The following PDC variants were observed in gnomAD, a reference collection of about 807,000 sequenced individuals.
The protein encoded by PDC is 33 kDa phototransducing protein.
PDC carries 19 observed loss-of-function variants against 22.2 expected under a neutral mutation model. That is an observed-to-expected ratio of 0.86 (90% CI 0.60 to 1.26). The LOEUF (loss-of-function observed/expected upper bound fraction) is 1.26, where lower values mean the gene tolerates loss of function less well. Ranked by LOEUF, PDC falls within the 50% of genes most tolerant of loss-of-function variation. The probability of loss-of-function intolerance (pLI) is 0.00; values close to 1 mark genes in which losing one functional copy is unlikely to be tolerated. For synonymous variants in PDC, 97 were observed against 96.2 expected (o/e 1.01, Z -0.05); for missense variants, 274 against 286.8 (o/e 0.96, Z 0.32).
intron 2 of PDC, among the ~76,000 whole-genome samples, chr1:186,447,458 G>T (rs1252552796): frequency 2.0e-5 from 3 of 152,096 alleles, no homozygotes; most frequent in African/African-American, 7.2e-5. Flanking sequence ...CAGATTGGCA[G>T]ATTTAAGTAA....
At chr1:186,460,148 A>G (rs1662554054) in intron 1 of PDC, among the ~76,000 whole-genome samples, 1 of 152,236 alleles carries the variant, frequency 6.6e-6, no homozygotes, top group Non-Finnish European at 1.5e-5. Flanking sequence ...CGCCGGATGA[A>G]TACAGCAGTC....
intron 1 of PDC, among the ~76,000 whole-genome samples, chr1:186,459,945 A>G (rs1196616480): frequency 1.3e-5 from 2 of 151,332 alleles, no homozygotes; most frequent in Non-Finnish European, 2.9e-5. Flanking sequence ...AATTGAAAGA[A>G]AATTTTCACT....
At chr1:186,446,310 G>A (rs981381908) in intron 3 of PDC, 116 bp downstream of exon 3, 6 of 720,826 alleles carry the variant, frequency 8.3e-6, no homozygotes, top group Non-Finnish European at 1.2e-5. Flanking sequence ...TTTTTTGCCA[G>A]CGTAAGCAAT....
intron 1 of PDC, among the ~76,000 whole-genome samples, chr1:186,454,073 G>A (rs930762128): frequency 1.3e-5 from 2 of 150,898 alleles, no homozygotes; most frequent in Non-Finnish European, 3.0e-5. Context: ...CCTTGAGACA[G>A]TACTTATTTG....
At chr1:186,458,903 T>C (rs1337641330) in intron 1 of PDC, among the ~76,000 whole-genome samples, 1 of 152,210 alleles carries the variant, frequency 6.6e-6, no homozygotes, top group Admixed American at 6.5e-5. Flanking sequence ...GGCTCACGCC[T>C]GTAATCCCAA....
intron 1 of PDC, among the ~76,000 whole-genome samples, chr1:186,456,313 A>G (rs1044144824): frequency 1.3e-5 from 2 of 152,126 alleles, no homozygotes; most frequent in African/African-American, 4.8e-5. Context: ...TAGCATTTCA[A>G]TAACTGTTAC....
chr1:186,459,179 AAAAG>A (rs548602686), intron 1 of PDC, among the ~76,000 whole-genome samples: 55 of 152,284 alleles, frequency 3.6e-4, no homozygotes, highest in Admixed American at 2.7e-3. Flanking sequence ...GAAAAAAAGA[AAAAG>A]AAAGCCTGGG....
chr1:186,459,632 TATAAAC>T (rs1662539139), intron 1 of PDC, among the ~76,000 whole-genome samples: 2 of 151,390 alleles, frequency 1.3e-5, no homozygotes, highest in East Asian at 1.9e-4. Context: ...CAAATCCACT[TATAAAC>T]ATAGTATTTG....
rs1345155618 is a variant in PDC, at chr1:186,457,495, C to T, written c.-25+3564G>A. On this transcript the variant is annotated intron_variant, in intron 1 of 3. Coordinates refer to ENST00000391997, the MANE Select transcript of PDC (RefSeq NM_002597.5). The stretch of plus-strand genomic sequence containing the variant: ...TTTCCAATGAATTGTCTTCCCTACC[C>T]ATGATTTTGCGGATCATAAGTGATT... Among the ~76,000 whole-genome samples the T allele has an allele frequency of 2.0e-5, 3 of 152,180 alleles. No homozygotes were observed. In the East Asian group the frequency reaches 5.8e-4, roughly 29 times the overall value.
At chr1:186,453,997 T>G (rs1432832929) in intron 1 of PDC, among the ~76,000 whole-genome samples, 1 of 152,082 alleles carries the variant, frequency 6.6e-6, no homozygotes, top group African/African-American at 2.4e-5. Context: ...CGACCTAATT[T>G]TTTTGTATAT....
chr1:186,445,331 A>C lies in PDC; in HGVS notation c.214-825T>G, dbSNP rs75887561. ...ATACCAGGTGTTGGGTACTTCACGTAGATTATGTTATCTAATCCTTACAGA... is the reference window on the plus strand; with the variant it reads ...ATACCAGGTGTTGGGTACTTCACGTCGATTATGTTATCTAATCCTTACAGA... On this transcript the variant is annotated intron_variant, in intron 3 of 3. Coordinates refer to ENST00000391997, the MANE Select transcript of PDC (RefSeq NM_002597.5). Among the ~76,000 whole-genome samples the C allele has an allele frequency of 4.4e-4, 67 of 152,354 alleles. No homozygotes were observed. The East Asian group carries it at 5.6e-3, about 13-fold the overall frequency.
chr1:186,450,506 T>C (rs549207917), intron 1 of PDC, among the ~76,000 whole-genome samples: 2 of 152,016 alleles, frequency 1.3e-5, no homozygotes, highest in Non-Finnish European at 2.9e-5. Flanking sequence ...CACCACGCCC[T>C]GCTAATGTTT....
At chr1:186,444,994 C>T (rs1379099333) in intron 3 of PDC, among the ~76,000 whole-genome samples, 1 of 152,140 alleles carries the variant, frequency 6.6e-6, no homozygotes, top group African/African-American at 2.4e-5. Flanking sequence ...CATATTTTAA[C>T]AAGCCCTCCA....
At chr1:186,446,891 C>G (rs540549814) in intron 2 of PDC, among the ~76,000 whole-genome samples, 2 of 151,932 alleles carry the variant, frequency 1.3e-5, no homozygotes, top group African/African-American at 2.4e-5. Flanking sequence ...TGATAGGATA[C>G]TAGAATTTTG....
chr1:186,458,429 G>C (rs4007511), intron 1 of PDC, among the ~76,000 whole-genome samples: 24,699 of 142,320 alleles, frequency 0.17, 3,173 homozygotes, highest in African/African-American at 0.37. Context: ...GTCAGTGCAC[G>C]CTGGTTGTGC....
intron 3 of PDC, among the ~76,000 whole-genome samples, chr1:186,444,763 A>G (rs996417210): frequency 5.9e-5 from 9 of 152,160 alleles, no homozygotes; most frequent in African/African-American, 2.2e-4. Flanking sequence ...CTTTATAGCA[A>G]CAAACACTAT....
chr1:186,459,140 G>C (rs1422247043), intron 1 of PDC, among the ~76,000 whole-genome samples: 1 of 151,976 alleles, frequency 6.6e-6, no homozygotes, highest in East Asian at 1.9e-4. Flanking sequence ...CCAGCCTGGG[G>C]GACAGAATGA....
chr1:186,455,720 G>T (rs542374268), intron 1 of PDC, among the ~76,000 whole-genome samples: 26 of 149,874 alleles, frequency 1.7e-4, no homozygotes, highest in Non-Finnish European at 2.5e-4. Context: ...CCAGCCCTTT[G>T]GGAGGCCGAG....
Position 186,443,817 on chromosome 1 carries a change from C to T in PDC, c.*162G>A, listed in dbSNP as rs565276759. On this transcript the variant is annotated 3_prime_UTR_variant, in exon 4 of 4. Coordinates refer to ENST00000391997, the MANE Select transcript of PDC (RefSeq NM_002597.5). ...TCAAGCATTGTATCAATTTGAGTAA[C>T]TAATACTAAGAAATGCTAATAACTC... 1.3e-5 allele frequency: 8 copies of T among 602,010 alleles called. No individual in the cohort carries two copies. The African/African-American group carries it at 1.5e-4, about 11-fold the overall frequency. 37.3% of individuals were successfully genotyped at this position (602,010 alleles called of 1,614,324 possible).
Sources: allele counts gnomAD v4.1 joint callset (sites outside exome capture counted in the v4.1 genomes callset), GRCh38; gene constraint gnomAD v4.1.1; transcripts MANE v1.5; gene names NCBI Gene and HGNC (gene_info 2026-07-23, HGNC 2026-07-21).